Variants in NR3C2 observed in about 807,000 individuals in gnomAD.
NR3C2 encodes nuclear receptor subfamily 3 group C member 2.
In NR3C2, 15 loss-of-function variants were observed where a neutral mutation model predicts 86.4. The observed-to-expected ratio is 0.17, with a 90% confidence interval of 0.12 to 0.27. NR3C2 has a LOEUF of 0.27. NR3C2 is among the 10% of genes least tolerant of loss of function. The pLI is 1.00. For missense variants in NR3C2, 960 were observed against 1,195.6 expected (o/e 0.80, Z 2.91); for synonymous variants, 458 against 450.5 (o/e 1.02, Z -0.21).
chr4:148,390,390 T>C (rs1018874231), intron 2 of NR3C2, among the ~76,000 whole-genome samples: 1 of 152,024 alleles, frequency 6.6e-6, no homozygotes, highest in Non-Finnish European at 1.5e-5. Flanking sequence ...GGTGAAAACA[T>C]GCCCAAATGG....
intron 6 of NR3C2, among the ~76,000 whole-genome samples, chr4:148,149,349 C>CT (rs148646466): frequency 0.027 from 4,149 of 151,384 alleles, 190 homozygotes; most frequent in African/African-American, 0.095. Context: ...ATGACCTTTT[C>CT]TTTTTTTTTG....
chr4:148,127,310 G>A (rs188228501), intron 6 of NR3C2, among the ~76,000 whole-genome samples: 99 of 152,094 alleles, frequency 6.5e-4, no homozygotes, highest in Non-Finnish European at 1.1e-3. Context: ...ACAATCTTTT[G>A]GCATAATATT....
chr4:148,341,218 T>C (rs1166997528), intron 2 of NR3C2, among the ~76,000 whole-genome samples: 2 of 152,148 alleles, frequency 1.3e-5, no homozygotes, highest in Non-Finnish European at 2.9e-5. Flanking sequence ...AATCTAAGTG[T>C]CCAACAGATG....
At chr4:148,308,470 T>C (rs1742747498) in intron 2 of NR3C2, among the ~76,000 whole-genome samples, 1 of 151,938 alleles carries the variant, frequency 6.6e-6, no homozygotes, top group Admixed American at 6.5e-5. Flanking sequence ...TACCAACTTA[T>C]GACAAGGGAA....
chr4:148,331,174 T>C (rs1744215730), intron 2 of NR3C2, among the ~76,000 whole-genome samples: 1 of 142,846 alleles, frequency 7.0e-6, no homozygotes, highest in Non-Finnish European at 1.5e-5. Context: ...ATAAGGTTAC[T>C]TGACAAGTGC....
chr4:148,202,779 C>A (rs1029713523), intron 3 of NR3C2, among the ~76,000 whole-genome samples: 2 of 152,062 alleles, frequency 1.3e-5, no homozygotes, highest in African/African-American at 4.8e-5. Flanking sequence ...CCCTAAGGTT[C>A]CCCCCTCATC....
intron 2 of NR3C2, among the ~76,000 whole-genome samples, chr4:148,380,427 G>A (rs11728254): frequency 0.066 from 10,078 of 152,170 alleles, 403 homozygotes; most frequent in African/African-American, 0.12. Flanking sequence ...ATGAACATTC[G>A]TGTGCAAGTT....
chr4:148,212,970 T>C (rs751727952), intron 3 of NR3C2, among the ~76,000 whole-genome samples: 3 of 152,206 alleles, frequency 2.0e-5, no homozygotes, highest in Middle Eastern at 6.8e-3. Flanking sequence ...TTTTAAGGTA[T>C]AAAAACTGTT....
chr4:148,247,093 A>G (rs1739354597), intron 3 of NR3C2, among the ~76,000 whole-genome samples: 1 of 152,240 alleles, frequency 6.6e-6, no homozygotes, highest in Non-Finnish European at 1.5e-5. Flanking sequence ...ATGGTAAGTT[A>G]TGATAAAGAC....
chr4:148,297,814 G>C (rs1207153951), intron 2 of NR3C2, among the ~76,000 whole-genome samples: 1 of 151,962 alleles, frequency 6.6e-6, no homozygotes, highest in Non-Finnish European at 1.5e-5. Flanking sequence ...GCTTGAACCT[G>C]GGAGGCGGAG....
chr4:148,371,186 A>G (rs1195921297), intron 2 of NR3C2, among the ~76,000 whole-genome samples: 4 of 152,204 alleles, frequency 2.6e-5, no homozygotes, highest in African/African-American at 9.6e-5. Flanking sequence ...TGTGTTACAA[A>G]TGATCCAATT....
chr4:148,259,158 A>G (rs3752701), intron 3 of NR3C2, among the ~76,000 whole-genome samples: 33,649 of 152,108 alleles, frequency 0.22, 3,788 homozygotes, highest in Admixed American at 0.29. Context: ...CTTCTCTGAG[A>G]AATAAACCTT....
intron 3 of NR3C2, among the ~76,000 whole-genome samples, chr4:148,218,695 C>T (rs983869062): frequency 6.6e-6 from 1 of 152,180 alleles, no homozygotes; most frequent in Admixed American, 6.5e-5. Flanking sequence ...ACTCCCCAGT[C>T]AACTACTAAT....
At chr4:148,286,267 G>A (rs73855944) in intron 2 of NR3C2, among the ~76,000 whole-genome samples, 6,125 of 152,164 alleles carry the variant, frequency 0.04, 391 homozygotes, top group African/African-American at 0.14. Context: ...AAACCCAGCT[G>A]TGTTATTCAA....
intron 2 of NR3C2, among the ~76,000 whole-genome samples, chr4:148,320,674 G>A (rs1384832465): frequency 3.6e-4 from 54 of 151,984 alleles, no homozygotes; most frequent in East Asian, 1.6e-3. Flanking sequence ...AGAGGTGTTT[G>A]TAGTATTCTC....
At chr4:148,281,805 C>T (rs1275378179) in intron 2 of NR3C2, among the ~76,000 whole-genome samples, 1 of 152,206 alleles carries the variant, frequency 6.6e-6, no homozygotes, top group African/African-American at 2.4e-5. Flanking sequence ...CGGAAAGATG[C>T]TCCTGTCCTT....
At chr4:148,225,399 T>C (rs997796635) in intron 3 of NR3C2, among the ~76,000 whole-genome samples, 1 of 152,160 alleles carries the variant, frequency 6.6e-6, no homozygotes, top group African/African-American at 2.4e-5. Flanking sequence ...ATATAATTCA[T>C]TATGAAACAA....
intron 2 of NR3C2, among the ~76,000 whole-genome samples, chr4:148,285,313 G>T (rs1351661383): frequency 3.3e-5 from 5 of 152,214 alleles, no homozygotes; most frequent in African/African-American, 9.7e-5. Context: ...TTTCCCAAAC[G>T]ATGTTGCTGG....
chr4:148,384,026 TG>T (rs1747139949), intron 2 of NR3C2, among the ~76,000 whole-genome samples: 1 of 151,100 alleles, frequency 6.6e-6, no homozygotes, highest in African/African-American at 2.4e-5. Flanking sequence ...GTAAAATAAT[TG>T]GGTTTTTGTT....
Sources: allele counts gnomAD v4.1 joint callset (sites outside exome capture counted in the v4.1 genomes callset), GRCh38; gene constraint gnomAD v4.1.1; transcripts MANE v1.5; gene names NCBI Gene and HGNC (gene_info 2026-07-23, HGNC 2026-07-21).